WNT2: variants seen among roughly 807,000 people sequenced by gnomAD.
The protein encoded by WNT2 is protein Wnt-2.
WNT2 carries 12 observed loss-of-function variants against 36.9 expected under a neutral mutation model. That is an observed-to-expected ratio of 0.33 (90% CI 0.21 to 0.53). The LOEUF is 0.53. WNT2 is among the 20% of genes least tolerant of loss of function. The pLI, the probability that WNT2 is intolerant of heterozygous loss-of-function variation, is 0.95. For synonymous variants in WNT2, 163 were observed against 174.6 expected, an observed-to-expected ratio of 0.93 and a Z score of 0.52; for missense variants, 379 against 473.1, an observed-to-expected ratio of 0.80 and a Z score of 1.84.
chr7:117,292,449 T>TA (rs530111031), intron 4 of WNT2, among the ~76,000 whole-genome samples: 32 of 152,172 alleles, frequency 2.1e-4, no homozygotes, highest in Non-Finnish European at 2.9e-4. Context: ...TAAATGGAGG[T>TA]AATTGCCTTG....
In WNT2 at chr7:117,277,666, T is replaced by G. The variant is rs1794403717; in HGVS notation, c.*489A>C. Reference sequence around the variant, plus strand: ...CCACTTGATCAGACAAAAGTCTTGGTCTTTTCAAAAGTTAAAGTTAAGTCA... The same window carrying G: ...CCACTTGATCAGACAAAAGTCTTGGGCTTTTCAAAAGTTAAAGTTAAGTCA... On this transcript the variant is annotated 3_prime_UTR_variant, in exon 5 of 5. Coordinates refer to ENST00000265441, the MANE Select transcript of WNT2 (RefSeq NM_003391.3). The G allele has an allele frequency of 6.2e-6, 1 of 160,950 alleles. No homozygotes were observed. Among genetic ancestry groups the G allele is most frequent in the Admixed American group, 5.7e-5 (1 of 17,500 alleles). The allele number at this position is 160,950 out of a possible 1,614,324, so 10.0% of individuals were successfully genotyped here.
intron 3 of WNT2, among the ~76,000 whole-genome samples, chr7:117,301,276 A>G (rs997511321): frequency 6.6e-6 from 1 of 152,062 alleles, no homozygotes; most frequent in Admixed American, 6.6e-5. Flanking sequence ...CATCTCTTCT[A>G]TGTACTGGGT....
intron 4 of WNT2, among the ~76,000 whole-genome samples, chr7:117,281,806 A>C (rs965960801): frequency 6.6e-6 from 1 of 152,192 alleles, no homozygotes; most frequent in Non-Finnish European, 1.5e-5. Flanking sequence ...AAGTAGGAAA[A>C]GACTAAAAAA....
intron 4 of WNT2, among the ~76,000 whole-genome samples, chr7:117,281,517 G>A (rs1425060627): frequency 3.3e-5 from 5 of 152,118 alleles, no homozygotes; most frequent in African/African-American, 1.2e-4. Flanking sequence ...TGGGATTACA[G>A]GCGTGACTCA....
At chr7:117,280,117 G>C (rs187804923) in intron 4 of WNT2, among the ~76,000 whole-genome samples, 21 of 152,222 alleles carry the variant, frequency 1.4e-4, no homozygotes, top group Non-Finnish European at 2.6e-4. Flanking sequence ...AGGAAGACTG[G>C]CCGGGGAACT....
intron 3 of WNT2, among the ~76,000 whole-genome samples, chr7:117,306,671 T>C (rs1795020214): frequency 1.3e-5 from 2 of 152,212 alleles, no homozygotes; most frequent in Non-Finnish European, 2.9e-5. Context: ...CCAGCCCCCA[T>C]GGTTCTTAAT....
Position 117,275,571 on chromosome 7 carries a change from C to T in WNT2, c.*2584G>A, listed in dbSNP as rs537944130. 1.3e-5 allele frequency among the ~76,000 whole-genome samples: 2 copies of T among 152,132 alleles called. No individual in the cohort carries two copies. The highest frequency in any genetic ancestry group is 2.1e-4 in the South Asian group (1 of 4,818). On this transcript the variant is annotated 3_prime_UTR_variant, in exon 5 of 5. Coordinates refer to ENST00000265441, the MANE Select transcript of WNT2 (RefSeq NM_003391.3). The stretch of plus-strand genomic sequence containing the variant: ...AGAGGGAATTTATAAGGGGATTTCC[C>T]AATTATTTTGTTTTGGCTAATTTGT...
At chr7:117,307,129 A>T (rs1584691106) in intron 3 of WNT2, among the ~76,000 whole-genome samples, 2 of 151,972 alleles carry the variant, frequency 1.3e-5, no homozygotes, top group African/African-American at 2.4e-5. Context: ...AAGTCTGTTT[A>T]AAAAAAAGAG....
At chr7:117,287,164 T>C (rs901858675) in intron 4 of WNT2, among the ~76,000 whole-genome samples, 63 of 152,060 alleles carry the variant, frequency 4.1e-4, no homozygotes, top group Non-Finnish European at 1.2e-4. Flanking sequence ...TTGGCCAACA[T>C]GGTGAGACCC....
In WNT2 at chr7:117,323,017, C is replaced by G; in HGVS notation, c.-28G>C. 1 of 1,588,632 alleles carries G rather than the reference C, an allele frequency of 6.3e-7. No individual in the cohort carries two copies. The highest frequency in any genetic ancestry group is 8.6e-7 in the Non-Finnish European group (1 of 1,167,682). The stretch of plus-strand genomic sequence containing the variant: ...TAACCCCCTTGCGTCTGCATCAGGT[C>G]AGACTCCGTGTGCGGGCGCCATGCG... On this transcript the variant is annotated 5_prime_UTR_variant, in exon 1 of 5. It removes the in-frame stop codon of an upstream open reading frame in the 5' UTR. Transcript: ENST00000265441.
intron 4 of WNT2, among the ~76,000 whole-genome samples, chr7:117,287,655 C>T (rs773628488): frequency 1.3e-5 from 2 of 152,062 alleles, no homozygotes; most frequent in African/African-American, 4.8e-5. Context: ...CACATATGTG[C>T]TGATTTATTA....
At chr7:117,301,497 A>C (rs939008334) in intron 3 of WNT2, among the ~76,000 whole-genome samples, 2 of 152,202 alleles carry the variant, frequency 1.3e-5, no homozygotes, top group African/African-American at 4.8e-5. Flanking sequence ...AACAATAACA[A>C]CCATGTATTG....
rs536437745 is a variant in WNT2, at chr7:117,309,920, G to C, written c.588+5151C>G. Among the ~76,000 whole-genome samples, 7 of 152,148 alleles carry C rather than the reference G, an allele frequency of 4.6e-5. No individual in the cohort carries two copies. The East Asian group carries it at 1.4e-3, about 29-fold the overall frequency. ...TAAGGCAAAAAATAAAATTCAAAGA[G>C]AGGCAAATTTCTCACAATTTTCCTA... On this transcript the variant is annotated intron_variant, in intron 3 of 4. Transcript: ENST00000265441.
At chr7:117,294,530 A>G (rs1185867827) in intron 4 of WNT2, among the ~76,000 whole-genome samples, 1 of 152,032 alleles carries the variant, frequency 6.6e-6, no homozygotes, top group Non-Finnish European at 1.5e-5. Context: ...TACAGTTCAA[A>G]TAATTTATAA....
intron 3 of WNT2, among the ~76,000 whole-genome samples, chr7:117,304,625 G>A (rs1584689649): frequency 6.6e-6 from 1 of 152,010 alleles, no homozygotes; most frequent in Non-Finnish European, 1.5e-5. Context: ...CAGTAGAGAC[G>A]GGGTTTCACC....
At chr7:117,287,028 C>T (rs906264834) in intron 4 of WNT2, among the ~76,000 whole-genome samples, 3 of 152,204 alleles carry the variant, frequency 2.0e-5, no homozygotes, top group African/African-American at 7.2e-5. Flanking sequence ...TTTCTGATGT[C>T]ACAGTCATGT....
chr7:117,291,995 T>G (rs1794698835), intron 4 of WNT2, among the ~76,000 whole-genome samples: 1 of 152,186 alleles, frequency 6.6e-6, no homozygotes, highest in African/African-American at 2.4e-5. Flanking sequence ...CAGGCTGGTC[T>G]CGAACTCCCA....
At chr7:117,314,963 G>A (rs1406102084) in intron 3 of WNT2, 108 bp downstream of exon 3, 1 of 1,482,670 alleles carries the variant, frequency 6.7e-7, no homozygotes, top group Non-Finnish European at 9.1e-7. Flanking sequence ...GTAGGAAGTT[G>A]TGACTACACA....
At chr7:117,303,763 A>G (rs190486596) in intron 3 of WNT2, among the ~76,000 whole-genome samples, 3 of 152,382 alleles carry the variant, frequency 2.0e-5, no homozygotes, top group Admixed American at 2.0e-4. Context: ...GCAGTTCATT[A>G]TCTCTGATCC....
Sources: gnomAD v4.1 joint callset for allele counts (sites outside exome capture counted in the v4.1 genomes callset) on GRCh38, gnomAD v4.1.1 for gene constraint, MANE v1.5 for transcripts, NCBI Gene and HGNC (gene_info 2026-07-23, HGNC 2026-07-21) for gene names.